SGSM1: variants seen among roughly 807,000 people sequenced by gnomAD.
SGSM1 encodes the protein RUN and TBC1 domain containing 2.
SGSM1 carries 73 observed loss-of-function variants against 133.8 expected under a neutral mutation model. That is an observed-to-expected ratio of 0.55 (90% CI 0.45 to 0.66). The LOEUF is 0.66. SGSM1 is among the 30% of genes least tolerant of loss of function. The probability of loss-of-function intolerance (pLI) is 0.00; values close to 1 mark genes in which losing one functional copy is unlikely to be tolerated. For missense variants in SGSM1, 1,213 were observed against 1,448.1 expected (o/e 0.84, Z 2.64); for synonymous variants, 563 against 573.0 (o/e 0.98, Z 0.25).
At chr22:24,914,087 G>A (rs886752385) in intron 22 of SGSM1, among the ~76,000 whole-genome samples, 43 of 152,108 alleles carry the variant, frequency 2.8e-4, no homozygotes, top group Non-Finnish European at 5.4e-4. Flanking sequence ...TCAGGAGATC[G>A]CGACCATCCT....
chr22:24,900,339 T>G (rs1933088141), intron 19 of SGSM1, among the ~76,000 whole-genome samples: 1 of 134,900 alleles, frequency 7.4e-6, no homozygotes. Context: ...ATTGTTAACC[T>G]CTTCTTTCTT....
chr22:24,832,451 C>T (rs1240889003), intron 2 of SGSM1, among the ~76,000 whole-genome samples: 1 of 152,186 alleles, frequency 6.6e-6, no homozygotes, highest in East Asian at 1.9e-4. Flanking sequence ...ACTATATGAC[C>T]TTGGGCATGT....
Position 24,877,802 on chromosome 22 carries a change from CTTTTTTTTT to C in SGSM1, c.1430+1105_1430+1113del, listed in dbSNP as rs36036968. On this transcript the variant is annotated intron_variant, in intron 13 of 24. Transcript: ENST00000400358. The stretch of plus-strand genomic sequence containing the variant: ...TAATATTACTGGAGATTCTTTCTTT[CTTTTTTTTT>C]TTTTTTTTTTTTTTTTTGAGACTGA... Among the ~76,000 whole-genome samples the C allele has an allele frequency of 4.4e-3, 334 of 75,422 alleles. 1 individual carries two copies. The highest frequency in any genetic ancestry group is 0.01 in the Middle Eastern group (1 of 98). The allele number at this position is 75,422 out of a possible 152,430, so 49.5% of individuals were successfully genotyped here.
chr22:24,852,043 T>C (rs1930512239), intron 5 of SGSM1, among the ~76,000 whole-genome samples: 1 of 152,228 alleles, frequency 6.6e-6, no homozygotes, highest in Non-Finnish European at 1.5e-5. Flanking sequence ...AATTAGTAAT[T>C]TATTTGAGAA....
intron 16 of SGSM1, among the ~76,000 whole-genome samples, chr22:24,891,464 A>AG (rs1204841337): frequency 1.3e-5 from 2 of 152,182 alleles, no homozygotes; most frequent in Non-Finnish European, 2.9e-5. Flanking sequence ...GAAAAGTTGA[A>AG]GGAGAGGAGA....
chr22:24,847,689 A>G lies in SGSM1; in HGVS notation c.195A>G (p.Leu65=). 1.2e-6 allele frequency: 2 copies of G among 1,613,832 alleles called. No individual in the cohort carries two copies. The highest frequency in any genetic ancestry group is 1.7e-6 in the Non-Finnish European group (2 of 1,179,858). ...TTCGGCGGCGGGCGGCTGGCTTCCT[A>G]CGCAGCAATAAGATTGCAGCCCTCT... ...HGLRRRAAGF[L]RSNKIAALFM... Residue 65 remains leucine (L), a synonymous_variant, in exon 4 of 25, where the codon CTA becomes CTG. Transcript: ENST00000400358.
Position 24,884,217 on chromosome 22 carries a change from T to A in SGSM1, c.1641+19T>A. The A allele has an allele frequency of 6.2e-7, 1 of 1,603,100 alleles. No homozygotes were observed. Among genetic ancestry groups the A allele is most frequent in the Non-Finnish European group, 8.5e-7 (1 of 1,172,110 alleles). On this transcript the variant is annotated intron_variant, in intron 15 of 24. Transcript: ENST00000400358. ...CAGCACAGTAAGGCTTAGCTGGGCTTGGTCTGCAGTGATGCAGAGGCTGCA... is the reference window on the plus strand; with the variant it reads ...CAGCACAGTAAGGCTTAGCTGGGCTAGGTCTGCAGTGATGCAGAGGCTGCA...
intron 5 of SGSM1, among the ~76,000 whole-genome samples, chr22:24,850,789 A>G (rs1302141524): frequency 1.3e-5 from 2 of 152,224 alleles, no homozygotes; most frequent in Non-Finnish European, 2.9e-5. Flanking sequence ...TTTGGTGAAT[A>G]TGCAGCATTT....
At chr22:24,879,338 C>A in intron 13 of SGSM1, 124 bp from the exon 14 acceptor site, 1 of 836,098 alleles carries the variant, frequency 1.2e-6, no homozygotes. Flanking sequence ...GCAGCCCTCC[C>A]TACAGTCTCC....
intron 14 of SGSM1, among the ~76,000 whole-genome samples, chr22:24,881,817 G>A (rs889049179): frequency 6.6e-6 from 1 of 152,178 alleles, no homozygotes; most frequent in Non-Finnish European, 1.5e-5. Context: ...TAGTCTTGGA[G>A]AGCCAGAAGG....
At chr22:24,918,408 A>G (rs1164406303) in intron 23 of SGSM1, among the ~76,000 whole-genome samples, 1 of 151,676 alleles carries the variant, frequency 6.6e-6, no homozygotes, top group Non-Finnish European at 1.5e-5. Context: ...AGGCAGGAGA[A>G]TCGCTTGATC....
intron 9 of SGSM1, among the ~76,000 whole-genome samples, chr22:24,860,914 A>ATATATAT (rs1324268163): frequency 5.6e-4 from 54 of 95,912 alleles, no homozygotes; most frequent in African/African-American, 1.2e-3. Flanking sequence ...AAAAAAAAAA[A>ATATATAT]AAAAAAAAAT....
chr22:24,877,761 AAAGTTTGAG>A (rs941677018), intron 13 of SGSM1, among the ~76,000 whole-genome samples: 1 of 150,286 alleles, frequency 6.7e-6, no homozygotes, highest in Non-Finnish European at 1.5e-5. Flanking sequence ...TGTATACTTT[AAAGTTTGAG>A]AAGTGCTAAT....
chr22:24,920,898 T>C (rs1933982602), intron 24 of SGSM1, among the ~76,000 whole-genome samples: 2 of 152,208 alleles, frequency 1.3e-5, no homozygotes, highest in African/African-American at 4.8e-5. Flanking sequence ...TTGCCAAAAC[T>C]AAGAAATTAT....
chr22:24,904,828 C>T (rs2123719941), intron 20 of SGSM1, among the ~76,000 whole-genome samples: 1 of 152,152 alleles, frequency 6.6e-6, no homozygotes, highest in African/African-American at 2.4e-5. Context: ...CTCCTTGTAC[C>T]CCCAGTAAAG....
chr22:24,894,670 T>A (rs1297615856), intron 17 of SGSM1, among the ~76,000 whole-genome samples: 1 of 152,204 alleles, frequency 6.6e-6, no homozygotes, highest in Non-Finnish European at 1.5e-5. Context: ...CGTGGCTCAC[T>A]GCCCAGCAAG....
intron 17 of SGSM1, among the ~76,000 whole-genome samples, chr22:24,893,898 A>G (rs1932859590): frequency 1.3e-5 from 2 of 152,146 alleles, no homozygotes; most frequent in Non-Finnish European, 2.9e-5. Flanking sequence ...AGGTTCGTGT[A>G]CAGTCCAAAC....
intron 16 of SGSM1, among the ~76,000 whole-genome samples, chr22:24,887,474 G>T (rs1038902981): frequency 6.6e-6 from 1 of 152,166 alleles, no homozygotes; most frequent in African/African-American, 2.4e-5. Context: ...TGATGTGGCT[G>T]TAGCACCTGT....
At chr22:24,812,100 G>A (rs973249485) in intron 2 of SGSM1, among the ~76,000 whole-genome samples, 1 of 151,536 alleles carries the variant, frequency 6.6e-6, no homozygotes, top group African/African-American at 2.4e-5. Flanking sequence ...AACCCGGGAG[G>A]TGGAGGTGGC....
Sources: gnomAD v4.1 joint callset for allele counts (sites outside exome capture counted in the v4.1 genomes callset) on GRCh38, gnomAD v4.1.1 for gene constraint, MANE v1.5 for transcripts, NCBI Gene and HGNC (gene_info 2026-07-23, HGNC 2026-07-21) for gene names.